The following DPYSL3 variants were observed in gnomAD, a reference collection of about 807,000 sequenced individuals.
DPYSL3 encodes the protein dihydropyrimidinase-related protein 3.
In DPYSL3, 16 loss-of-function variants were observed where a neutral mutation model predicts 66.1. That is an observed-to-expected ratio of 0.24 (90% CI 0.16 to 0.37). The LOEUF is 0.37. Among genes scored for constraint, DPYSL3 ranks in the 10% least tolerant of loss-of-function variants. The probability of loss-of-function intolerance (pLI) is 1.00; values close to 1 mark genes in which losing one functional copy is unlikely to be tolerated. For missense variants in DPYSL3, 738 were observed against 916.2 expected (o/e 0.81, Z 2.51); for synonymous variants, 338 against 345.1 (o/e 0.98, Z 0.23).
intron 1 of DPYSL3, among the ~76,000 whole-genome samples, chr5:147,451,337 G>A (rs1752724188): frequency 6.6e-6 from 1 of 152,168 alleles, no homozygotes; most frequent in African/African-American, 2.4e-5. Flanking sequence ...TCAAGGCAGA[G>A]GCTGCTATGC....
At chr5:147,460,066 G>A (rs984675642) in intron 1 of DPYSL3, among the ~76,000 whole-genome samples, 1 of 151,742 alleles carries the variant, frequency 6.6e-6, no homozygotes, top group African/African-American at 2.4e-5. Flanking sequence ...AGCCAGGATC[G>A]AGCCACTGCA....
intron 1 of DPYSL3, among the ~76,000 whole-genome samples, chr5:147,425,770 C>T (rs1244769244): frequency 3.3e-5 from 5 of 152,090 alleles, no homozygotes; most frequent in Admixed American, 1.3e-4. Context: ...TAAATATATA[C>T]TTTATATATA....
chr5:147,475,142 T>C (rs899049051), intron 1 of DPYSL3, among the ~76,000 whole-genome samples: 2 of 151,976 alleles, frequency 1.3e-5, no homozygotes, highest in African/African-American at 4.8e-5. Flanking sequence ...CGCAAAAACC[T>C]GTAGGGGAAT....
intron 6 of DPYSL3, among the ~76,000 whole-genome samples, chr5:147,411,799 C>T (rs1277113391): frequency 2.0e-5 from 3 of 152,186 alleles, no homozygotes; most frequent in Non-Finnish European, 4.4e-5. Flanking sequence ...CTATGGAATG[C>T]ATCTGTTTTG....
At chr5:147,466,481 C>T (rs1230611871) in intron 1 of DPYSL3, among the ~76,000 whole-genome samples, 5 of 152,152 alleles carry the variant, frequency 3.3e-5, no homozygotes, top group South Asian at 2.1e-4. Flanking sequence ...GACTGAATCC[C>T]GGAACTACCT....
chr5:147,493,045 T>C (rs1171565326), intron 1 of DPYSL3, among the ~76,000 whole-genome samples: 1 of 152,166 alleles, frequency 6.6e-6, no homozygotes, highest in Non-Finnish European at 1.5e-5. Flanking sequence ...AATAACTATA[T>C]TAATTTCATC....
chr5:147,495,485 A>G (rs1190991941), intron 1 of DPYSL3, among the ~76,000 whole-genome samples: 1 of 152,178 alleles, frequency 6.6e-6, no homozygotes, highest in Admixed American at 6.5e-5. Context: ...ACATGATTGT[A>G]TATCTAGAAA....
At chr5:147,434,869 G>A (rs10079318) in intron 1 of DPYSL3, among the ~76,000 whole-genome samples, 74,676 of 151,900 alleles carry the variant, frequency 0.49, 18,809 homozygotes, top group Non-Finnish European at 0.54. Flanking sequence ...GTTAAGACCC[G>A]TAGAACTACT....
At chr5:147,398,556 G>A (rs1338832778) in intron 11 of DPYSL3, among the ~76,000 whole-genome samples, 1 of 152,162 alleles carries the variant, frequency 6.6e-6, no homozygotes, top group Non-Finnish European at 1.5e-5. Flanking sequence ...ACAGTGTCGA[G>A]CCCGTTTCTG....
At chr5:147,476,636 A>G (rs951612739) in intron 1 of DPYSL3, among the ~76,000 whole-genome samples, 22 of 152,136 alleles carry the variant, frequency 1.4e-4, no homozygotes, top group African/African-American at 5.1e-4. Flanking sequence ...CTCAGTGAAA[A>G]ATGCAAACTG....
rs75374773 is a variant in DPYSL3 at position 147,477,083 on chromosome 5, A to T, written c.381+32395T>A. On this transcript the variant is annotated intron_variant, in intron 1 of 13. Transcript: ENST00000343218. ...TCATGAAATAAAACAATTACATAGAAAAAATAAAATCAGTATGTTTAAACG... is the reference window on the plus strand; with the variant it reads ...TCATGAAATAAAACAATTACATAGATAAAATAAAATCAGTATGTTTAAACG... 5.9e-3 allele frequency among the ~76,000 whole-genome samples: 902 copies of T among 152,356 alleles called. 32 individuals are homozygous for T. The East Asian group carries it at 0.11, about 18-fold the overall frequency.
intron 1 of DPYSL3, among the ~76,000 whole-genome samples, chr5:147,452,713 C>T (rs1752755811): frequency 6.6e-6 from 1 of 152,068 alleles, no homozygotes; most frequent in African/African-American, 2.4e-5. Context: ...CACACCCTAG[C>T]GCATCTGACA....
chr5:147,400,417 C>T (rs921070416), intron 10 of DPYSL3, among the ~76,000 whole-genome samples: 1 of 152,200 alleles, frequency 6.6e-6, no homozygotes, highest in African/African-American at 2.4e-5. Context: ...TAAGTACAGG[C>T]TATTCGTACA....
intron 1 of DPYSL3, among the ~76,000 whole-genome samples, chr5:147,427,151 T>TAGATG (rs1752212180): frequency 6.6e-6 from 1 of 152,216 alleles, no homozygotes; most frequent in African/African-American, 2.4e-5. Flanking sequence ...AGCAGTCATC[T>TAGATG]CCTTTGTCAA....
chr5:147,473,030 C>A (rs964730259), intron 1 of DPYSL3: 1 of 152,138 alleles, frequency 6.6e-6, no homozygotes, highest in African/African-American at 2.4e-5. Flanking sequence ...CTAACCCAAC[C>A]CAAGTCTTTT....
At chr5:147,447,025 T>C (rs1752642101) in intron 1 of DPYSL3, among the ~76,000 whole-genome samples, 1 of 152,256 alleles carries the variant, frequency 6.6e-6, no homozygotes, top group African/African-American at 2.4e-5. Context: ...TCTTGCTTTT[T>C]CAGCTCTGTG....
At chr5:147,401,724 G>T in intron 8 of DPYSL3, 28 bp from the exon 9 acceptor site, 5 of 1,613,482 alleles carry the variant, frequency 3.1e-6, no homozygotes, top group South Asian at 1.1e-5. Context: ...CAGACAAGGG[G>T]TTAGCATAAA....
At chr5:147,402,683 CATG>C (rs1758228616) in intron 8 of DPYSL3, among the ~76,000 whole-genome samples, 1 of 152,018 alleles carries the variant, frequency 6.6e-6, no homozygotes, top group Non-Finnish European at 1.5e-5. Flanking sequence ...TTACTCCTAA[CATG>C]ATGACTTGGT....
At chr5:147,470,536 G>GT (rs1469142086) in intron 1 of DPYSL3, among the ~76,000 whole-genome samples, 1 of 152,002 alleles carries the variant, frequency 6.6e-6, no homozygotes, top group African/African-American at 2.4e-5. Flanking sequence ...CCACTTACCT[G>GT]TAAGTGAGTC....
Sources: allele counts gnomAD v4.1 joint callset (sites outside exome capture counted in the v4.1 genomes callset), GRCh38; gene constraint gnomAD v4.1.1; transcripts MANE v1.5; gene names NCBI Gene and HGNC (gene_info 2026-07-23, HGNC 2026-07-21).